SLC2A9: variants seen among roughly 807,000 people sequenced by gnomAD.
The protein encoded by SLC2A9 is solute carrier family 2 member 9.
SLC2A9 carries 39 observed loss-of-function variants against 50.6 expected under a neutral mutation model. The observed-to-expected ratio is 0.77, with a 90% CI of 0.60 to 1.01. The LOEUF (loss-of-function observed/expected upper bound fraction) is 1.01. Among genes scored for constraint, SLC2A9 ranks in the 50% least tolerant of loss-of-function variants. SLC2A9 has a pLI of 0.00. For missense variants in SLC2A9, 686 were observed against 677.6 expected (o/e 1.01, Z -0.14); for synonymous variants, 324 against 276.9 (o/e 1.17, Z -1.69).
chr4:10,001,728 G>A (rs993471540), intron 2 of SLC2A9, among the ~76,000 whole-genome samples: 2 of 152,152 alleles, frequency 1.3e-5, no homozygotes, highest in African/African-American at 4.8e-5. Flanking sequence ...TTTCTTAGTG[G>A]CTGGACATTT....
chr4:9,821,804 T>A (rs1724437363), downstream of SLC2A9, among the ~76,000 whole-genome samples: 1 of 152,214 alleles, frequency 6.6e-6, no homozygotes, highest in African/African-American at 2.4e-5. Flanking sequence ...TGGGATAAAT[T>A]GTGTAGATAT....
intron 9 of SLC2A9, among the ~76,000 whole-genome samples, chr4:9,889,266 G>A (rs950459761): frequency 6.6e-6 from 1 of 152,164 alleles, no homozygotes; most frequent in African/African-American, 2.4e-5. Context: ...AGAGGAAACT[G>A]CCAGGTTCCT....
chr4:9,895,752 T>C (rs369576062), intron 8 of SLC2A9, among the ~76,000 whole-genome samples: 16 of 152,266 alleles, frequency 1.1e-4, no homozygotes, highest in African/African-American at 3.9e-4. Context: ...TTGTATGTTT[T>C]GACAAATGTA....
At position 9,940,483 on chromosome 4, in the gene SLC2A9, C is replaced by G. The variant is rs529989820; in HGVS notation, c.814+1430G>C. ...AGGGTCCTCTGGAGAAAAGAGGGCT[C>G]AAGTCCCAGGTCTATCACCAAGCCA... On this transcript the variant is annotated intron_variant, in intron 6 of 11. Coordinates refer to ENST00000264784, the MANE Select transcript of SLC2A9 (RefSeq NM_020041.3). Among the ~76,000 whole-genome samples, 35 of 152,288 alleles carry G rather than the reference C, an allele frequency of 2.3e-4. No homozygotes were observed. In the South Asian group the frequency reaches 6.6e-3, roughly 29 times the overall value.
chr4:9,915,180 C>G (rs1164807865), intron 7 of SLC2A9, among the ~76,000 whole-genome samples: 2 of 152,306 alleles, frequency 1.3e-5, no homozygotes, highest in East Asian at 1.9e-4. Context: ...CAGTGTGGGG[C>G]TCCTTCAACA....
intron 3 of SLC2A9, among the ~76,000 whole-genome samples, chr4:9,988,657 A>T (rs1757154489): frequency 6.6e-6 from 1 of 152,118 alleles, no homozygotes; most frequent in South Asian, 2.1e-4. Context: ...TGTCCCCAGA[A>T]CTCCACCTAG....
At chr4:10,003,161 T>C (rs1051335265) in intron 2 of SLC2A9, among the ~76,000 whole-genome samples, 6 of 152,204 alleles carry the variant, frequency 3.9e-5, no homozygotes, top group Non-Finnish European at 8.8e-5. Context: ...GACCTCCACA[T>C]GTGCAAGGTC....
At chr4:9,813,376 G>A (rs942184482) in intron 3 of SLC2A9, among the ~76,000 whole-genome samples, 11 of 152,070 alleles carry the variant, frequency 7.2e-5, no homozygotes, top group Non-Finnish European at 1.6e-4. Context: ...TTCAGCCCTT[G>A]GTCTTGTATT....
chr4:9,981,596 T>C (rs1755890296), intron 4 of SLC2A9, among the ~76,000 whole-genome samples: 1 of 152,200 alleles, frequency 6.6e-6, no homozygotes, highest in South Asian at 2.1e-4. Flanking sequence ...TTTTGCCCAA[T>C]AGAGCCCCAG....
intron 10 of SLC2A9, among the ~76,000 whole-genome samples, chr4:9,860,766 C>T (rs1013885697): frequency 1.3e-5 from 2 of 152,214 alleles, no homozygotes; most frequent in African/African-American, 4.8e-5. Context: ...GTCTCCCAGG[C>T]CCCTGATCAG....
intron 5 of SLC2A9, among the ~76,000 whole-genome samples, chr4:9,954,780 C>T (rs6449154): frequency 0.48 from 73,277 of 151,902 alleles, 19,051 homozygotes; most frequent in African/African-American, 0.67. Context: ...TCAGGCATTC[C>T]CCACCAGGAA....
chr4:9,794,139 T>C (rs1342036477), downstream of SLC2A9, among the ~76,000 whole-genome samples: 1 of 151,816 alleles, frequency 6.6e-6, no homozygotes, highest in African/African-American at 2.4e-5. Context: ...CAGAGCGATC[T>C]CATTAATTCC....
chr4:10,024,783 T>C (rs1763698850), upstream of SLC2A9, among the ~76,000 whole-genome samples: 1 of 152,180 alleles, frequency 6.6e-6, no homozygotes, highest in Non-Finnish European at 1.5e-5. Flanking sequence ...AAAGTTGTCT[T>C]GGACAAGGTG....
At chr4:10,025,202 C>G (rs1205151867), upstream of SLC2A9, among the ~76,000 whole-genome samples, 1 of 152,094 alleles carries the variant, frequency 6.6e-6, no homozygotes, top group East Asian at 1.9e-4. Flanking sequence ...GCTTCCACAC[C>G]CATCACAGGA....
In SLC2A9 at chr4:10,021,313, C is replaced by T. The variant is rs766716850; in HGVS notation, c.117G>A (p.Leu39=). The T allele has an allele frequency of 1.9e-6, 3 of 1,614,150 alleles. No homozygotes were observed. Among genetic ancestry groups the T allele is most frequent in the South Asian group, 1.1e-5 (1 of 91,076 alleles). Residue 39 remains leucine, a synonymous_variant, in exon 1 of 12, where the codon CTG becomes CTA. Transcript: ENST00000264784. ...TCCTTCCACCTGGCACCCCACTCCT[C>T]AGGTGGTCACACTCCAGCAGTGCCC... is the stretch of plus-strand genomic sequence containing the variant. ...PGRALLECDH[L]RSGVPGGRRR...
chr4:9,934,317 T>G (rs1746678450), intron 6 of SLC2A9, among the ~76,000 whole-genome samples: 1 of 152,218 alleles, frequency 6.6e-6, no homozygotes, highest in African/African-American at 2.4e-5. Context: ...AGACACTATG[T>G]GTCTATCGGG....
At chr4:9,787,738 G>T (rs1719407068) in intron 3 of SLC2A9, among the ~76,000 whole-genome samples, 2 of 152,168 alleles carry the variant, frequency 1.3e-5, no homozygotes, top group Admixed American at 6.5e-5. Context: ...CTACTTGGTA[G>T]ACTTGTCCTT....
At chr4:9,905,590 A>G (rs1740514762) in intron 8 of SLC2A9, among the ~76,000 whole-genome samples, 1 of 152,218 alleles carries the variant, frequency 6.6e-6, no homozygotes, top group Non-Finnish European at 1.5e-5. Context: ...TTTCCAAGGA[A>G]TACTTTGCCC....
chr4:9,873,875 G>A (rs1352699093), intron 10 of SLC2A9, among the ~76,000 whole-genome samples: 2 of 152,152 alleles, frequency 1.3e-5, no homozygotes, highest in Non-Finnish European at 2.9e-5. Flanking sequence ...TGATCTTTCT[G>A]AATTCACTCT....
Sources: gnomAD v4.1 joint callset for allele counts (sites outside exome capture counted in the v4.1 genomes callset) on GRCh38, gnomAD v4.1.1 for gene constraint, MANE v1.5 for transcripts, NCBI Gene and HGNC (gene_info 2026-07-23, HGNC 2026-07-21) for gene names.